NDST1: variants seen among roughly 807,000 people sequenced by gnomAD.
NDST1 encodes bifunctional heparan sulfate N-deacetylase/N-sulfotransferase 1.
A neutral mutation model predicts 92.8 loss-of-function variants in NDST1; 35 were observed. The ratio of observed to expected loss-of-function variants is 0.38; its 90% CI spans 0.29 to 0.50. The LOEUF (loss-of-function observed/expected upper bound fraction) is 0.50, where lower values mean the gene tolerates loss of function less well. Ranked by LOEUF, NDST1 falls within the 20% of genes least tolerant of loss-of-function variation. The pLI is 0.94. For synonymous variants in NDST1, 493 were observed against 500.3 expected (o/e 0.99, Z 0.19); for missense variants, 822 against 1,182.7 (o/e 0.69, Z 4.47).
chr5:150,551,999 A>T, intron 14 of NDST1, 144 bp downstream of exon 14: 1 of 1,364,894 alleles, frequency 7.3e-7, no homozygotes, highest in Non-Finnish European at 1.0e-6. Flanking sequence ...TAAGAGGAGG[A>T]AAATGGGGGC....
chr5:150,523,232 T>C (rs1428149634), intron 2 of NDST1, among the ~76,000 whole-genome samples: 1 of 152,268 alleles, frequency 6.6e-6, no homozygotes, highest in Non-Finnish European at 1.5e-5. Context: ...AGGGGAACGC[T>C]GGCCTGGTTT....
rs1755855093 is a variant in NDST1, at chr5:150,555,709, T to C, written c.*2377T>C. ...AGCTCCCAGGTTCGGAAATCTACCC[T>C]CTAGGCCTGGAGGCCTCTCTCGCAG... On this transcript the variant is annotated 3_prime_UTR_variant, in exon 15 of 15. Transcript: ENST00000261797. 1 of 152,252 alleles carries C rather than the reference T, an allele frequency of 6.6e-6. No homozygotes were observed. Among genetic ancestry groups the C allele is most frequent in the Non-Finnish European group, 1.5e-5 (1 of 68,072 alleles). 9.4% of individuals were successfully genotyped at this position (152,252 alleles called of 1,614,324 possible).
chr5:150,533,679 T>C (rs991166125), intron 4 of NDST1, among the ~76,000 whole-genome samples: 10 of 152,208 alleles, frequency 6.6e-5, no homozygotes, highest in African/African-American at 2.4e-4. Context: ...AAGAAAACCA[T>C]TTATTCAATA....
upstream of NDST1, among the ~76,000 whole-genome samples, chr5:150,507,203 G>A (rs1717202029): frequency 6.6e-6 from 1 of 152,150 alleles, no homozygotes; most frequent in African/African-American, 2.4e-5. Context: ...CCCACGTGGT[G>A]TGACATGAGG....
At chr5:150,519,675 A>C (rs1754151096) in intron 1 of NDST1, among the ~76,000 whole-genome samples, 1 of 151,970 alleles carries the variant, frequency 6.6e-6, no homozygotes, top group Non-Finnish European at 1.5e-5. Flanking sequence ...ACAAGAGTGA[A>C]ACTCCGCCTC....
chr5:150,503,639 T>TG (rs1323601691), upstream of NDST1, among the ~76,000 whole-genome samples: 5 of 152,114 alleles, frequency 3.3e-5, no homozygotes, highest in Non-Finnish European at 5.9e-5. Flanking sequence ...GGGGCAGCTG[T>TG]GAGTGTGGAG....
At chr5:150,514,561 A>AAAAC (rs1753873965) in intron 1 of NDST1, among the ~76,000 whole-genome samples, 1 of 124,934 alleles carries the variant, frequency 8.0e-6, no homozygotes, top group East Asian at 2.1e-4. Context: ...ACTCCGTCTC[A>AAAAC]AAAAAAAAAA....
chr5:150,512,527 T>C (rs148705339), intron 1 of NDST1, among the ~76,000 whole-genome samples: 1 of 152,248 alleles, frequency 6.6e-6, no homozygotes, highest in Non-Finnish European at 1.5e-5. Context: ...GGTCGTTTGC[T>C]TGTTCCGCAC....
intron 10 of NDST1, among the ~76,000 whole-genome samples, chr5:150,544,481 G>T (rs1755393497): frequency 6.6e-6 from 1 of 152,202 alleles, no homozygotes; most frequent in Non-Finnish European, 1.5e-5. Flanking sequence ...TTGTAGGTAG[G>T]TCTAAAGTGG....
rs987874362 is a variant in NDST1 at position 150,556,096 on chromosome 5, T to C, written c.*2764T>C. Reference sequence around the variant, plus strand: ...CCCGAGAAGAGAAGCCACAGATGAGTGGGCCAGCGAGGCCAGTCTTCAATG... The same window carrying C: ...CCCGAGAAGAGAAGCCACAGATGAGCGGGCCAGCGAGGCCAGTCTTCAATG... On this transcript the variant is annotated 3_prime_UTR_variant, in exon 15 of 15. Coordinates refer to ENST00000261797, the MANE Select transcript of NDST1 (RefSeq NM_001543.5). 8 of 151,664 alleles carry C rather than the reference T, an allele frequency of 5.3e-5. No homozygotes were observed. The highest frequency in any genetic ancestry group is 1.2e-4 in the Non-Finnish European group (8 of 67,902). The allele number at this position is 151,664 out of a possible 1,614,324, so 9.4% of individuals were successfully genotyped here. A position where few individuals can be genotyped will look rare whatever the true frequency, so the allele number is the denominator to read the frequency against.
rs754685370 is a variant in NDST1 at position 150,521,802 on chromosome 5, G to A, written c.513+35G>A. 9.3e-6 allele frequency: 15 copies of A among 1,608,966 alleles called. No homozygotes were observed. The highest frequency in any genetic ancestry group is 5.0e-5 in the Admixed American group (3 of 59,998). On this transcript the variant is annotated intron_variant, in intron 2 of 14. Coordinates refer to ENST00000261797, the MANE Select transcript of NDST1 (RefSeq NM_001543.5). This position sits in a 1 kb window ranked among gnomAD's most constrained non-coding sequence, Gnocchi z 5.9. ...AAGCAGGGTCCCCGAGCAGTTCAGAGCCCCCTCTGCAGCTCAGTGCCTGAA... is the reference window on the plus strand; with the variant it reads ...AAGCAGGGTCCCCGAGCAGTTCAGAACCCCCTCTGCAGCTCAGTGCCTGAA...
In NDST1 at chr5:150,556,363, C is replaced by G. The variant is rs890517825; in HGVS notation, c.*3031C>G. 6.6e-6 allele frequency: 1 copy of G among 152,122 alleles called. No individual in the cohort carries two copies. Among genetic ancestry groups the G allele is most frequent in the Non-Finnish European group, 1.5e-5 (1 of 68,074 alleles). 9.4% of individuals were successfully genotyped at this position (152,122 alleles called of 1,614,324 possible). On this transcript the variant is annotated 3_prime_UTR_variant, in exon 15 of 15. Transcript: ENST00000261797. ...TAAAAATGGGCCTTTTCTGAGCCCC[C>G]CTGATGAGCAGTCAGTGCTTCTGGG...
intron 11 of NDST1, among the ~76,000 whole-genome samples, chr5:150,546,702 C>G (rs1364142705): frequency 2.6e-5 from 4 of 152,256 alleles, no homozygotes; most frequent in Non-Finnish European, 5.9e-5. Flanking sequence ...GTGGCTGTCT[C>G]CCGCCTGGGA....
intron 13 of NDST1, chr5:150,551,022 C>A (rs890742304): frequency 1.3e-5 from 2 of 156,596 alleles, no homozygotes; most frequent in African/African-American, 4.8e-5. Flanking sequence ...TATCCTATGA[C>A]CCTTTCAGAA....
intron 1 of NDST1, among the ~76,000 whole-genome samples, chr5:150,517,326 A>G (rs1271219309): frequency 2.1e-5 from 3 of 140,356 alleles, no homozygotes; most frequent in Non-Finnish European, 3.1e-5. Context: ...TTTTGTAGAG[A>G]TGGGGGTCTT....
At chr5:150,503,718 G>T (rs549007971), upstream of NDST1, among the ~76,000 whole-genome samples, 17 of 152,304 alleles carry the variant, frequency 1.1e-4, no homozygotes, top group African/African-American at 3.6e-4. Context: ...CTGCGGGCCG[G>T]CCCTAATGGA....
At chr5:150,525,504 C>T (rs1158856231) in intron 2 of NDST1, among the ~76,000 whole-genome samples, 5 of 152,184 alleles carry the variant, frequency 3.3e-5, no homozygotes, top group Non-Finnish European at 7.4e-5. Context: ...TCTTAGGAGT[C>T]GTGAGCAGCC....
At chr5:150,529,613 A>C (rs1000131544) in intron 3 of NDST1, among the ~76,000 whole-genome samples, 1 of 152,212 alleles carries the variant, frequency 6.6e-6, no homozygotes, top group African/African-American at 2.4e-5. Flanking sequence ...AATCCGGATC[A>C]GTTGCCATAA....
At chr5:150,541,535 G>A (rs2151295213) in intron 8 of NDST1, 35 bp from the exon 9 acceptor site, 1 of 1,598,502 alleles carries the variant, frequency 6.3e-7, no homozygotes, top group East Asian at 2.2e-5. Context: ...CTGGGTTCTG[G>A]GGCGCCCCAC....
Sources: gnomAD v4.1 joint callset for allele counts (sites outside exome capture counted in the v4.1 genomes callset) on GRCh38, gnomAD v4.1.1 for gene constraint, Gnocchi (gnomAD v3.1) non-coding constraint, MANE v1.5 for transcripts, NCBI Gene and HGNC (gene_info 2026-07-23, HGNC 2026-07-21) for gene names.